The following KIF5C variants were observed in gnomAD, a reference collection of about 807,000 sequenced individuals.
KIF5C encodes the protein kinesin family member 5C.
A neutral mutation model predicts 125.2 loss-of-function variants in KIF5C; 18 were observed. The ratio of observed to expected loss-of-function variants is 0.14; its 90% CI spans 0.10 to 0.21. The LOEUF is 0.21. Among genes scored for constraint, KIF5C ranks in the 10% least tolerant of loss-of-function variants. The pLI is 1.00. For missense variants in KIF5C, 780 were observed against 1,183.8 expected, an observed-to-expected ratio of 0.66 and a Z score of 5.01; for synonymous variants, 405 against 434.0, an observed-to-expected ratio of 0.93 and a Z score of 0.83.
intron 10 of KIF5C, among the ~76,000 whole-genome samples, chr2:148,961,050 C>T (rs1682912928): frequency 6.6e-6 from 1 of 152,138 alleles, no homozygotes; most frequent in African/African-American, 2.4e-5. Context: ...GGTTACTCTC[C>T]AGGTACATCC....
rs918375830 is a variant in KIF5C, at chr2:149,000,780, G to C, written c.2371G>C (p.Val791Leu). Residue 791 changes from valine to leucine, a missense_variant and splice_region_variant, in exon 21 of 26, where the codon GTG becomes CTG. Physicochemically the swap from Val to Leu is conservative, Grantham distance 32. Around this residue, in one of 2 missense-constraint regions of KIF5C, gnomAD observed 573 missense variants for 742.6 expected, o/e 0.77. Coordinates refer to ENST00000435030, the MANE Select transcript of KIF5C (RefSeq NM_004522.3). ...REDLKGLEET[V>L]SRELQTLHNL... ...AGACCTCAAAGGGCTGGAGGAGACA[G>C]TGGTATGTCAAGATATTTCCCGATT... is the stretch of plus-strand genomic sequence containing the variant. The C allele has an allele frequency of 6.2e-7, 1 of 1,613,636 alleles. No individual in the cohort carries two copies. The highest frequency in any genetic ancestry group is 1.3e-5 in the African/African-American group (1 of 74,942).
chr2:148,926,116 C>G (rs1312518327), intron 2 of KIF5C, among the ~76,000 whole-genome samples: 1 of 152,226 alleles, frequency 6.6e-6, no homozygotes, highest in Admixed American at 6.5e-5. Context: ...TAGGTATGAT[C>G]ACATCCTCCC....
intron 1 of KIF5C, among the ~76,000 whole-genome samples, chr2:148,915,779 G>A (rs920065975): frequency 3.3e-5 from 5 of 152,218 alleles, no homozygotes; most frequent in Non-Finnish European, 5.9e-5. Context: ...GAAGAGTGAA[G>A]TGAGGCAGGG....
intron 13 of KIF5C, among the ~76,000 whole-genome samples, chr2:148,980,443 A>T (rs1288492498): frequency 6.6e-6 from 1 of 152,186 alleles, no homozygotes; most frequent in Non-Finnish European, 1.5e-5. Flanking sequence ...AACAAAGATA[A>T]TGAGAGCGTC....
Position 148,942,700 on chromosome 2 carries a change from C to T in KIF5C, c.529C>T (p.Pro177Ser), listed in dbSNP as rs1201721590. Residue 177 changes from proline (P) to serine (S), a missense_variant, in exon 7 of 26, where the codon CCT becomes TCT. Pro to Ser is a moderately conservative substitution (Grantham distance 74). This residue lies in a region of KIF5C where 207 missense variants were observed against 441.2 expected (regional missense o/e 0.47). Transcript: ENST00000435030. ...GTGCACTGAGCGGTTTGTGTCGAGCCCTGAGGAAGTCATGGATGTAATAGA... is the reference window on the plus strand; with the variant it reads ...GTGCACTGAGCGGTTTGTGTCGAGCTCTGAGGAAGTCATGGATGTAATAGA... ...KGCTERFVSS[P>S]EEVMDVIDEG... The T allele has an allele frequency of 6.2e-7, 1 of 1,611,454 alleles. No homozygotes were observed. The highest frequency in any genetic ancestry group is 1.1e-5 in the South Asian group (1 of 89,966).
intron 3 of KIF5C, among the ~76,000 whole-genome samples, chr2:148,934,549 A>G (rs1295320676): frequency 3.5e-5 from 5 of 144,230 alleles, no homozygotes; most frequent in African/African-American, 5.2e-5. Flanking sequence ...CACAACACAC[A>G]CGCATACACA....
chr2:148,961,474 T>C lies in KIF5C; in HGVS notation c.969-497T>C, dbSNP rs185341402. Among the ~76,000 whole-genome samples the C allele has an allele frequency of 1.1e-4, 16 of 152,332 alleles. No individual in the cohort carries two copies. In the East Asian group the frequency reaches 3.1e-3, roughly 29 times the overall value. ...TGATTCTATTATTTCTGTCTGTGTA[T>C]CATTGGTATAAGAAACTGCAGTCTC... is the stretch of plus-strand genomic sequence containing the variant. On this transcript the variant is annotated intron_variant, in intron 10 of 25. Coordinates refer to ENST00000435030, the MANE Select transcript of KIF5C (RefSeq NM_004522.3).
intron 19 of KIF5C, 33 bp from the exon 20 acceptor site, chr2:149,000,390 G>A (rs1422695079): frequency 1.2e-5 from 19 of 1,547,696 alleles, no homozygotes; most frequent in East Asian, 2.4e-5. Context: ...TCAGACTGAT[G>A]TGGAATATAT....
intron 4 of KIF5C, 137 bp from the exon 5 acceptor site, chr2:148,941,473 A>G: frequency 8.1e-7 from 1 of 1,238,772 alleles, no homozygotes; most frequent in Non-Finnish European, 1.1e-6. Flanking sequence ...AGCTGGCCAG[A>G]TTTTAAGTCT....
At position 148,876,733 on chromosome 2, in the gene KIF5C, C is replaced by G. The variant is rs1338417422; in HGVS notation, c.126+990C>G. 3.3e-5 allele frequency among the ~76,000 whole-genome samples: 5 copies of G among 152,182 alleles called. No individual in the cohort carries two copies. Among genetic ancestry groups the G allele is most frequent in the Non-Finnish European group, 7.3e-5 (5 of 68,030 alleles). On this transcript the variant is annotated intron_variant, in intron 1 of 25. Coordinates refer to ENST00000435030, the MANE Select transcript of KIF5C (RefSeq NM_004522.3). The surrounding 1 kb of genome is among the most constrained non-coding windows in gnomAD (Gnocchi z 4.7). ...GTCAGATGAAACAAACCAGCTCGGT[C>G]CCCCGCCCCTTCCCCGCCCGCTGTC...
intron 4 of KIF5C, among the ~76,000 whole-genome samples, chr2:148,939,471 G>T (rs2105101341): frequency 6.6e-6 from 1 of 152,304 alleles, no homozygotes; most frequent in South Asian, 2.1e-4. Context: ...TTAAACTACT[G>T]CAGGGTTCTT....
At chr2:148,994,728 A>G (rs949393939) in intron 17 of KIF5C, among the ~76,000 whole-genome samples, 190 bp downstream of exon 17, 25 of 150,618 alleles carry the variant, frequency 1.7e-4, no homozygotes, top group Admixed American at 5.3e-4. Flanking sequence ...TTTAAGATGG[A>G]GTCTCGCTCT....
chr2:148,941,515 G>A, intron 4 of KIF5C, 95 bp from the exon 5 acceptor site: 1 of 1,481,006 alleles, frequency 6.8e-7, no homozygotes, highest in South Asian at 1.3e-5. Context: ...ACTCTTCTTA[G>A]CCATGCATGA....
intron 1 of KIF5C, among the ~76,000 whole-genome samples, chr2:148,895,368 C>A (rs973166169): frequency 6.6e-6 from 1 of 152,106 alleles, no homozygotes; most frequent in Admixed American, 6.5e-5. Flanking sequence ...AAACTCCTAA[C>A]CTCAAGTGAT....
At chr2:148,970,362 G>A (rs1680864441) in intron 11 of KIF5C, among the ~76,000 whole-genome samples, 2 of 152,156 alleles carry the variant, frequency 1.3e-5, no homozygotes, top group African/African-American at 4.8e-5. Context: ...GGGGATAAGA[G>A]GTGGACTTTG....
chr2:148,958,251 T>A lies in KIF5C; in HGVS notation c.969-3720T>A, dbSNP rs546307968. On this transcript the variant is annotated intron_variant, in intron 10 of 25. Transcript: ENST00000435030. ...GTGTGAAATATTCTACTTTAGTAGA[T>A]ACTACTAAAGATTTTTCCAAAACGA... 2.0e-5 allele frequency among the ~76,000 whole-genome samples: 3 copies of A among 152,302 alleles called. No individual in the cohort carries two copies. The South Asian group carries it at 6.2e-4, about 32-fold the overall frequency.
At chr2:148,899,203 G>C (rs2105054349) in intron 1 of KIF5C, among the ~76,000 whole-genome samples, 1 of 152,216 alleles carries the variant, frequency 6.6e-6, no homozygotes, top group Admixed American at 6.5e-5. Flanking sequence ...TTAAGAGTCA[G>C]TGACAAAGCA....
In KIF5C at chr2:148,875,576, C is replaced by A. The variant is rs1232588876; in HGVS notation, c.-42C>A. The stretch of plus-strand genomic sequence containing the variant: ...CCTCCCTCGTCGTTCCCGGCCCCGG[C>A]CCCCCACCCATCCCCGTGCCCCCTC... On this transcript the variant is annotated 5_prime_UTR_variant, in exon 1 of 26. Transcript: ENST00000435030. The A allele has an allele frequency of 1.8e-6, 1 of 549,556 alleles. No homozygotes were observed. Among genetic ancestry groups the A allele is most frequent in the Admixed American group, 2.4e-5 (1 of 40,904 alleles). The allele number at this position is 549,556 out of a possible 1,614,324, so 34.0% of individuals were successfully genotyped here.
At chr2:148,903,697 T>TA (rs1680991665) in intron 1 of KIF5C, among the ~76,000 whole-genome samples, 1 of 152,188 alleles carries the variant, frequency 6.6e-6, no homozygotes, top group African/African-American at 2.4e-5. Flanking sequence ...GCAGTATTAT[T>TA]ATCATCCTCA....
Sources: allele counts gnomAD v4.1 joint callset (sites outside exome capture counted in the v4.1 genomes callset), GRCh38; gene constraint gnomAD v4.1.1; regional missense constraint gnomAD v4.1.1; non-coding constraint Gnocchi (gnomAD v3.1); transcripts MANE v1.5; gene names NCBI Gene and HGNC (gene_info 2026-07-23, HGNC 2026-07-21).